Variants in RHOBTB2 observed in about 807,000 individuals in gnomAD.
RHOBTB2 encodes Rho related BTB domain containing 2, also known as rho-related BTB domain-containing protein 2.
RHOBTB2 carries 39 observed loss-of-function variants against 66.5 expected under a neutral mutation model. That is an observed-to-expected ratio of 0.59 (90% CI 0.45 to 0.77). RHOBTB2 has a LOEUF of 0.77. RHOBTB2 is among the 30% of genes least tolerant of loss of function. The pLI is 0.00. For synonymous variants in RHOBTB2, 390 were observed against 395.0 expected (o/e 0.99, Z 0.15); for missense variants, 755 against 999.1 (o/e 0.76, Z 3.29).
the RHOBTB2 span, among the ~76,000 whole-genome samples, chr8:22,963,871 C>A: frequency 6.6e-6 from 1 of 152,052 alleles, no homozygotes; most frequent in Non-Finnish European, 1.5e-5. Context: ...AACCACCATC[C>A]CCCAGTTTCA....
the RHOBTB2 span, among the ~76,000 whole-genome samples, chr8:22,979,202 T>C: frequency 6.6e-6 from 1 of 152,192 alleles, no homozygotes; most frequent in African/African-American, 2.4e-5. Context: ...TTTCCAAACA[T>C]TTTTCTTTCT....
At chr8:22,974,246 G>T in the RHOBTB2 span, among the ~76,000 whole-genome samples, 1 of 152,198 alleles carries the variant, frequency 6.6e-6, no homozygotes, top group Admixed American at 6.5e-5. Flanking sequence ...CCAAGCCTGG[G>T]TTACATAACA....
the RHOBTB2 span, among the ~76,000 whole-genome samples, chr8:22,975,913 C>T: frequency 1.3e-5 from 2 of 151,944 alleles, no homozygotes; most frequent in Non-Finnish European, 2.9e-5. Flanking sequence ...TTTGGGAGGC[C>T]AATGCGGGCG....
At chr8:23,015,112 C>A (rs911693843) in intron 8 of RHOBTB2, among the ~76,000 whole-genome samples, 1 of 152,214 alleles carries the variant, frequency 6.6e-6, no homozygotes, top group African/African-American at 2.4e-5. Flanking sequence ...CTGAAATTAA[C>A]CGCCTACTCC....
At chr8:22,999,469 G>A, upstream of RHOBTB2, 1 of 772,688 alleles carries the variant, frequency 1.3e-6, no homozygotes. Flanking sequence ...GATCTGCGGG[G>A]CGTCCAATCC....
rs1216836865 is a variant in RHOBTB2, at chr8:23,006,192, C to T, written c.482+47C>T. 6 of 1,508,144 alleles carry T rather than the reference C, an allele frequency of 4.0e-6. No homozygotes were observed. The African/African-American group carries it at 4.1e-5, about 10-fold the overall frequency. 93.4% of individuals were successfully genotyped at this position (1,508,144 alleles called of 1,614,324 possible). On this transcript the variant is annotated intron_variant, in intron 4 of 9. Transcript: ENST00000251822. The surrounding 1 kb of genome is among the most constrained non-coding windows in gnomAD (Gnocchi z 6.1). The stretch of plus-strand genomic sequence containing the variant: ...GAGACAGACATGGATGGGTGCCTCA[C>T]CATGGCTCCCTGCTCAGCCCTGGGG...
chr8:22,977,433 A>G, the RHOBTB2 span, among the ~76,000 whole-genome samples: 1 of 152,036 alleles, frequency 6.6e-6, no homozygotes, highest in Non-Finnish European at 1.5e-5. Context: ...TTAGCTGGGC[A>G]TGGTGGTGTG....
At position 23,005,974 on chromosome 8, in the gene RHOBTB2, T is replaced by A; in HGVS notation, c.311T>A (p.Val104Asp). Residue 104 changes from valine (V) to aspartate (D), a missense_variant, in exon 4 of 10, where the codon GTT (valine) becomes GAT (aspartate). Coordinates refer to ENST00000251822, the MANE Select transcript of RHOBTB2 (RefSeq NM_015178.3). ...RFAYGRSDVV[V>D]LCFSIANPNS... is the part of the protein sequence containing the mutation. ...CCCACCCGCAGATCTGATGTGGTGGTTCTGTGCTTCTCCATTGCCAACCCC... is the reference window on the plus strand; with the variant it reads ...CCCACCCGCAGATCTGATGTGGTGGATCTGTGCTTCTCCATTGCCAACCCC... 6.2e-7 allele frequency: 1 copy of A among 1,612,876 alleles called. No individual in the cohort carries two copies. The highest frequency in any genetic ancestry group is 8.5e-7 in the Non-Finnish European group (1 of 1,178,988).
chr8:22,965,606 G>A, the RHOBTB2 span, among the ~76,000 whole-genome samples: 1 of 152,172 alleles, frequency 6.6e-6, no homozygotes, highest in African/African-American at 2.4e-5. Context: ...GAATAGAGAA[G>A]AAGCCCAGAA....
chr8:22,999,778 C>A lies in RHOBTB2; in HGVS notation c.-338C>A. The A allele has an allele frequency of 1.0e-6, 1 of 985,546 alleles. No individual in the cohort carries two copies. Among genetic ancestry groups the A allele is most frequent in the Non-Finnish European group, 1.2e-6 (1 of 831,582 alleles). The allele number at this position is 985,546 out of a possible 1,614,324, so 61.1% of individuals were successfully genotyped here. ...GCCCCTCTCCCGGCGCCCCTGCGCGCCGCCCGCTGCCTCCGCAGCCCGGCT... is the reference window on the plus strand; with the variant it reads ...GCCCCTCTCCCGGCGCCCCTGCGCGACGCCCGCTGCCTCCGCAGCCCGGCT... On this transcript the variant is annotated 5_prime_UTR_variant, in exon 1 of 10. Coordinates refer to ENST00000251822, the MANE Select transcript of RHOBTB2 (RefSeq NM_015178.3).
chr8:22,956,068 A>G, the RHOBTB2 span, among the ~76,000 whole-genome samples: 18 of 152,100 alleles, frequency 1.2e-4, no homozygotes, highest in Non-Finnish European at 2.5e-4. Context: ...CATGGGGTGT[A>G]TTTTTTCCAA....
chr8:22,951,570 G>A, the RHOBTB2 span, among the ~76,000 whole-genome samples: 1 of 152,072 alleles, frequency 6.6e-6, no homozygotes, highest in Non-Finnish European at 1.5e-5. Context: ...GGCAGGGGTT[G>A]GATCTCACAA....
At chr8:23,003,528 G>A (rs1810848000) in intron 1 of RHOBTB2, among the ~76,000 whole-genome samples, 1 of 152,214 alleles carries the variant, frequency 6.6e-6, no homozygotes, top group South Asian at 2.1e-4. Context: ...TCCTCCCTAG[G>A]AATGGGAAGG....
chr8:22,963,945 C>T, the RHOBTB2 span, among the ~76,000 whole-genome samples: 1 of 152,042 alleles, frequency 6.6e-6, no homozygotes, highest in Non-Finnish European at 1.5e-5. Context: ...CCATGCCCAG[C>T]TAATTTTGTA....
chr8:22,998,488 C>T (rs1316058102), upstream of RHOBTB2, among the ~76,000 whole-genome samples: 1 of 152,154 alleles, frequency 6.6e-6, no homozygotes, highest in Non-Finnish European at 1.5e-5. Context: ...AATCCTAGTA[C>T]TTTGGGAGGC....
At chr8:22,964,783 A>ATTTT in the RHOBTB2 span, among the ~76,000 whole-genome samples, 1 of 135,834 alleles carries the variant, frequency 7.4e-6, no homozygotes, top group African/African-American at 2.7e-5. Flanking sequence ...AATTAGCTTT[A>ATTTT]TTTTATTTAT....
At chr8:22,994,547 T>A (rs951612254) in intron 2 of RHOBTB2, 2 of 1,526,146 alleles carry the variant, frequency 1.3e-6, no homozygotes, top group Middle Eastern at 3.4e-4. Flanking sequence ...TCCACTCCTG[T>A]TCCTCACAAC....
upstream of RHOBTB2, chr8:22,998,804 G>A (rs1397330681): frequency 1.3e-5 from 2 of 151,748 alleles, no homozygotes; most frequent in South Asian, 2.1e-4. Flanking sequence ...GACCCCTCAG[G>A]TTATAGATGT....
At chr8:22,987,097 A>T (rs1810302090), upstream of RHOBTB2, among the ~76,000 whole-genome samples, 1 of 152,246 alleles carries the variant, frequency 6.6e-6, no homozygotes, top group South Asian at 2.1e-4. Flanking sequence ...GGCTCTCAAG[A>T]TGTGCGTCAG....
Sources: allele counts gnomAD v4.1 joint callset (sites outside exome capture counted in the v4.1 genomes callset), GRCh38; gene constraint gnomAD v4.1.1; non-coding constraint Gnocchi (gnomAD v3.1); transcripts MANE v1.5; gene names NCBI Gene and HGNC (gene_info 2026-07-23, HGNC 2026-07-21).